PCDHA10: variants seen among roughly 807,000 people sequenced by gnomAD.
PCDHA10 encodes protocadherin alpha 10, also known as protocadherin alpha-10.
Under a neutral mutation model 61.2 loss-of-function variants are expected in PCDHA10, and 45 were observed. That is an observed-to-expected ratio of 0.74 (90% confidence interval 0.58 to 0.94). The LOEUF is 0.94. PCDHA10 is among the 40% of genes least tolerant of loss of function. PCDHA10 has a pLI of 0.00. For missense variants in PCDHA10, 1,278 were observed against 1,236.2 expected (o/e 1.03, Z -0.51); for synonymous variants, 602 against 548.8 (o/e 1.10, Z -1.35).
At chr5:140,904,692 A>G (rs1484371560) in intron 1 of PCDHA10, among the ~76,000 whole-genome samples, 1 of 152,126 alleles carries the variant, frequency 6.6e-6, no homozygotes, top group Non-Finnish European at 1.5e-5. Context: ...GCAGTGTAAA[A>G]TTGTTCCCTT....
intron 1 of PCDHA10, among the ~76,000 whole-genome samples, chr5:140,972,660 A>ATTTTT (rs11350929): frequency 8.5e-5 from 10 of 117,262 alleles, no homozygotes; most frequent in Non-Finnish European, 1.6e-4. Context: ...AAGAAACCAA[A>ATTTTT]TTTTTTTTTT....
chr5:140,968,744 G>A (rs782484391), intron 1 of PCDHA10: 20 of 1,614,164 alleles, frequency 1.2e-5, no homozygotes, highest in East Asian at 2.2e-5. Context: ...CAACCTGACC[G>A]TGGTGGTCCG....
chr5:140,882,323 C>G, intron 1 of PCDHA10: 1 of 1,614,216 alleles, frequency 6.2e-7, no homozygotes, highest in African/African-American at 1.3e-5. Context: ...GCTCTGGCTT[C>G]TGATCCTCGC....
Position 140,858,228 on chromosome 5 carries a change from A to T in PCDHA10, c.2180A>T (p.Glu727Val). 1 of 1,595,134 alleles carries T rather than the reference A, an allele frequency of 6.3e-7. No individual in the cohort carries two copies. The highest frequency in any genetic ancestry group is 8.6e-7 in the Non-Finnish European group (1 of 1,165,388). ...TALRCSAAPT[E>V]GACGPVKPTL... ...CTGAGGTGCTCGGCGGCGCCCACCG[A>T]GGGCGCATGTGGGCCGGTGAAGCCC... Residue 727 changes from glutamate to valine, a missense_variant, in exon 1 of 4, where the codon GAG becomes GTG. By Grantham distance (121) the Glu-to-Val change is moderately radical. Coordinates refer to ENST00000307360, the MANE Select transcript of PCDHA10 (RefSeq NM_018901.4).
intron 1 of PCDHA10, among the ~76,000 whole-genome samples, chr5:140,960,522 T>C (rs1261145307): frequency 6.6e-6 from 1 of 152,090 alleles, no homozygotes; most frequent in African/African-American, 2.4e-5. Flanking sequence ...ATAATGGGTA[T>C]AGGAAAGAGA....
intron 1 of PCDHA10, among the ~76,000 whole-genome samples, chr5:140,937,993 G>A (rs1554211932): frequency 6.6e-6 from 1 of 151,358 alleles, no homozygotes. Flanking sequence ...TGTTAACTTT[G>A]TATCCAATGT....
chr5:140,863,011 C>T (rs782711409), intron 1 of PCDHA10: 2 of 552,132 alleles, frequency 3.6e-6, no homozygotes, highest in Admixed American at 1.9e-5. Flanking sequence ...CCAGCTATGA[C>T]GCCTGGTTGT....
intron 1 of PCDHA10, chr5:140,864,534 T>A (rs1554158965): frequency 6.6e-6 from 1 of 152,246 alleles, no homozygotes; most frequent in Non-Finnish European, 1.5e-5. Flanking sequence ...TTAATTTTTG[T>A]CTTCAATCTT....
intron 1 of PCDHA10, among the ~76,000 whole-genome samples, chr5:140,973,778 T>C (rs910410874): frequency 3.9e-5 from 6 of 152,256 alleles, no homozygotes; most frequent in African/African-American, 1.4e-4. Context: ...ATATTATAGG[T>C]TGCCTATTGG....
intron 1 of PCDHA10, chr5:140,869,639 C>T: frequency 6.2e-7 from 1 of 1,613,534 alleles, no homozygotes; most frequent in Non-Finnish European, 8.5e-7. Context: ...GAGTATTTTT[C>T]TTTAGATTCA....
In PCDHA10 at chr5:140,857,554, G is replaced by A. The variant is rs782355772; in HGVS notation, c.1506G>A (p.Ser502=). The A allele has an allele frequency of 1.3e-6, 2 of 1,596,880 alleles. No individual in the cohort carries two copies. Among genetic ancestry groups the A allele is most frequent in the East Asian group, 4.5e-5 (2 of 44,814 alleles). Residue 502 remains serine, a synonymous_variant, in exon 1 of 4, where the codon TCG becomes TCA. Transcript: ENST00000307360. The part of the protein sequence containing the change: ...SLVERRLGER[S]LSSYVSVHAE... ...TGGAGCGGCGGTTGGGCGAGCGCTC[G>A]CTGTCGAGCTACGTGTCGGTGCACG... is the stretch of plus-strand genomic sequence containing the variant.
At chr5:140,884,428 G>C in intron 1 of PCDHA10, 1 of 1,613,962 alleles carries the variant, frequency 6.2e-7, no homozygotes, top group Non-Finnish European at 8.5e-7. Context: ...TGTATACTGC[G>C]CTGCGGTGCT....
chr5:140,886,689 G>C (rs1267444522), intron 1 of PCDHA10, among the ~76,000 whole-genome samples: 5 of 152,022 alleles, frequency 3.3e-5, no homozygotes, highest in African/African-American at 1.2e-4. Flanking sequence ...AGCGAGGCAT[G>C]GTGGCACGCG....
intron 1 of PCDHA10, chr5:140,877,942 C>T: frequency 7.3e-7 from 1 of 1,367,876 alleles, no homozygotes; most frequent in Admixed American, 3.1e-5. Flanking sequence ...ATCCTTTAAA[C>T]TATCGAATGT....
chr5:140,927,203 C>G (rs782141467), intron 1 of PCDHA10: 1 of 1,614,104 alleles, frequency 6.2e-7, no homozygotes, highest in Admixed American at 1.7e-5. Context: ...CTCGAGGACC[C>G]GCTGGAGCTG....
chr5:140,874,211 A>G (rs1257270226), intron 1 of PCDHA10, among the ~76,000 whole-genome samples: 1 of 152,220 alleles, frequency 6.6e-6, no homozygotes, highest in African/African-American at 2.4e-5. Context: ...CTTTATTATT[A>G]TATGCAGTAG....
chr5:140,948,542 C>A (rs141026678), intron 1 of PCDHA10, among the ~76,000 whole-genome samples: 66 of 151,648 alleles, frequency 4.4e-4, no homozygotes, highest in African/African-American at 1.5e-3. Flanking sequence ...ATTTCATGCT[C>A]TGTCAATTTT....
chr5:140,985,930 G>A (rs577670490), intron 3 of PCDHA10, among the ~76,000 whole-genome samples: 1 of 151,914 alleles, frequency 6.6e-6, no homozygotes, highest in East Asian at 1.9e-4. Flanking sequence ...TAGTAGAGCC[G>A]GGGTTTCACT....
intron 1 of PCDHA10, among the ~76,000 whole-genome samples, chr5:140,946,042 C>T (rs967126849): frequency 4.6e-4 from 70 of 152,118 alleles, no homozygotes; most frequent in African/African-American, 1.6e-3. Flanking sequence ...AGTGAAGGGA[C>T]AATCCACAGA....
Sources: allele counts gnomAD v4.1 joint callset (sites outside exome capture counted in the v4.1 genomes callset), GRCh38; gene constraint gnomAD v4.1.1; transcripts MANE v1.5; gene names NCBI Gene and HGNC (gene_info 2026-07-23, HGNC 2026-07-21).